UGT2A2: variants seen among roughly 807,000 people sequenced by gnomAD.
The protein encoded by UGT2A2 is UDP glucuronosyltransferase family 2 member A2.
Under a neutral mutation model 50.7 loss-of-function variants are expected in UGT2A2, and 60 were observed. The ratio of observed to expected loss-of-function variants is 1.18; its 90% CI spans 0.96 to 1.47. The LOEUF (loss-of-function observed/expected upper bound fraction) is 1.47. Ranked by LOEUF, UGT2A2 falls within the 40% of genes most tolerant of loss-of-function variation. UGT2A2 has a pLI of 0.00. For synonymous variants in UGT2A2, 242 were observed against 214.6 expected, an observed-to-expected ratio of 1.13 and a Z score of -1.11; for missense variants, 762 against 634.0, an observed-to-expected ratio of 1.20 and a Z score of -2.17.
At chr4:69,623,492 T>C (rs1407289873) in intron 1 of UGT2A2, among the ~76,000 whole-genome samples, 1 of 151,718 alleles carries the variant, frequency 6.6e-6, no homozygotes, top group Non-Finnish European at 1.5e-5. Context: ...TGTGCATACA[T>C]GTAAAAAAAT....
chr4:69,608,896 A>G (rs1270473416), intron 1 of UGT2A2, among the ~76,000 whole-genome samples: 2 of 152,138 alleles, frequency 1.3e-5, no homozygotes, highest in Non-Finnish European at 2.9e-5. Flanking sequence ...AAACAAATTT[A>G]TATGTTTAAA....
chr4:69,619,624 A>T (rs1483378530), intron 1 of UGT2A2, among the ~76,000 whole-genome samples: 1 of 151,946 alleles, frequency 6.6e-6, no homozygotes, highest in African/African-American at 2.4e-5. Flanking sequence ...ACTTAAACAC[A>T]TTCTAAAACC....
chr4:69,598,462 G>A lies in UGT2A2; in HGVS notation c.891+784C>T, dbSNP rs1466917332. On this transcript the variant is annotated intron_variant, in intron 2 of 5. Transcript: ENST00000604629. ...ATTTCTTTTCTGAAGACTTCATATT[G>A]TAGCATACAATTTCCTTCTCATGCC... is the stretch of plus-strand genomic sequence containing the variant. Among the ~76,000 whole-genome samples, 13 of 151,828 alleles carry A rather than the reference G, an allele frequency of 8.6e-5. No homozygotes were observed. In the East Asian group the frequency reaches 2.5e-3, roughly 29 times the overall value.
At position 69,628,369 on chromosome 4, in the gene UGT2A2, G is replaced by A. The variant is rs184154011; in HGVS notation, c.742+10530C>T. 2.0e-5 allele frequency among the ~76,000 whole-genome samples: 3 copies of A among 151,918 alleles called. No individual in the cohort carries two copies. The East Asian group carries it at 5.8e-4, about 29-fold the overall frequency. On this transcript the variant is annotated intron_variant, in intron 1 of 5. Transcript: ENST00000604629. Reference sequence around the variant, plus strand: ...CCCTAGTTTCAAAATACACTACAAAGTGACAAGAATCCAAACAGTATTAAA... The same window carrying A: ...CCCTAGTTTCAAAATACACTACAAAATGACAAGAATCCAAACAGTATTAAA...
At position 69,638,882 on chromosome 4, in the gene UGT2A2, G is replaced by C; in HGVS notation, c.742+17C>G. On this transcript the variant is annotated intron_variant, in intron 1 of 5. Transcript: ENST00000604629. ...AAGGGATGTGGAGTCATTAAAAAGA[G>C]AAAATTTTAGACTTACCTAAAATTT... 2 of 1,540,246 alleles carry C rather than the reference G, an allele frequency of 1.3e-6. No homozygotes were observed. The highest frequency in any genetic ancestry group is 1.7e-6 in the Non-Finnish European group (2 of 1,144,200).
At chr4:69,623,949 A>C (rs2109941368) in intron 1 of UGT2A2, among the ~76,000 whole-genome samples, 1 of 151,802 alleles carries the variant, frequency 6.6e-6, no homozygotes, top group African/African-American at 2.4e-5. Flanking sequence ...ACCTTAAAAA[A>C]GCATCTTATA....
chr4:69,594,408 TG>T, intron 5 of UGT2A2, 68 bp downstream of exon 5: 1 of 1,553,226 alleles, frequency 6.4e-7, no homozygotes, highest in Non-Finnish European at 8.7e-7. Context: ...TATAAAAGAA[TG>T]TACATTTTCT....
chr4:69,610,048 G>T (rs1719940141), intron 1 of UGT2A2, among the ~76,000 whole-genome samples: 1 of 152,158 alleles, frequency 6.6e-6, no homozygotes, highest in African/African-American at 2.4e-5. Context: ...GTTAAAACCA[G>T]TCAGGCTTCT....
intron 1 of UGT2A2, among the ~76,000 whole-genome samples, chr4:69,627,835 T>G (rs954941609): frequency 6.6e-6 from 1 of 151,712 alleles, no homozygotes; most frequent in Non-Finnish European, 1.5e-5. Context: ...AATAGAAAAT[T>G]TATAAATGTC....
intron 1 of UGT2A2, 57 bp from the exon 2 acceptor site, chr4:69,599,451 G>GAAA: frequency 6.4e-7 from 1 of 1,572,600 alleles, no homozygotes; most frequent in Admixed American, 2.1e-5. Context: ...TTGCTGAGGA[G>GAAA]AAAAAAAAGC....
At chr4:69,592,526 T>G (rs1231457634) in intron 5 of UGT2A2, among the ~76,000 whole-genome samples, 1 of 152,122 alleles carries the variant, frequency 6.6e-6, no homozygotes, top group Non-Finnish European at 1.5e-5. Context: ...GATAAGGAGA[T>G]AGGTGAGCTG....
At chr4:69,629,435 G>T in intron 1 of UGT2A2, among the ~76,000 whole-genome samples, 1 of 152,000 alleles carries the variant, frequency 6.6e-6, no homozygotes, top group East Asian at 1.9e-4. Context: ...GAGTGTTTTT[G>T]TATATCTGAG....
chr4:69,593,528 C>T (rs995902863), intron 5 of UGT2A2, among the ~76,000 whole-genome samples: 4 of 151,068 alleles, frequency 2.6e-5, no homozygotes, highest in African/African-American at 9.7e-5. Flanking sequence ...TATATATACA[C>T]ACACACTATC....
At chr4:69,612,308 G>A (rs1212919880) in intron 1 of UGT2A2, among the ~76,000 whole-genome samples, 5 of 152,044 alleles carry the variant, frequency 3.3e-5, no homozygotes, top group Admixed American at 1.3e-4. Flanking sequence ...AATCAGTATC[G>A]TTAAAATGGC....
chr4:69,630,448 T>C (rs115214101), intron 1 of UGT2A2, among the ~76,000 whole-genome samples: 1 of 152,246 alleles, frequency 6.6e-6, no homozygotes, highest in African/African-American at 2.4e-5. Context: ...CCATAGTTTT[T>C]ATCAACCATC....
chr4:69,589,448 A>T lies in UGT2A2; in HGVS notation c.1535T>A (p.Ile512Lys), dbSNP rs1372173430. The change falls in exon 6 of 6, where the codon ATA becomes AAA. Residue 512 changes from isoleucine to lysine, a missense_variant. Transcript: ENST00000604629. ...GFLLVCVTTA[I>K]FLVIQCCLFS... ...CAAACAACATTGTATGACCAAAAAT[A>T]TAGCCGTTGTCACACAGACCAGCAA... 6.2e-7 allele frequency: 1 copy of T among 1,614,178 alleles called. No individual in the cohort carries two copies. The highest frequency in any genetic ancestry group is 2.2e-5 in the East Asian group (1 of 44,884).
chr4:69,609,550 T>C (rs903061570), intron 1 of UGT2A2, among the ~76,000 whole-genome samples: 2 of 152,120 alleles, frequency 1.3e-5, no homozygotes, highest in East Asian at 1.9e-4. Flanking sequence ...CAACTGTTAA[T>C]AAAAGTCAGT....
intron 1 of UGT2A2, among the ~76,000 whole-genome samples, chr4:69,637,597 A>G (rs866258286): frequency 6.6e-6 from 1 of 152,034 alleles, no homozygotes; most frequent in African/African-American, 2.4e-5. Context: ...CTTTCATTTG[A>G]TACTTTCTCT....
At chr4:69,621,811 C>G (rs1720772896) in intron 1 of UGT2A2, among the ~76,000 whole-genome samples, 1 of 151,844 alleles carries the variant, frequency 6.6e-6, no homozygotes, top group Non-Finnish European at 1.5e-5. Flanking sequence ...TCATAGAAAA[C>G]TACACAGCCA....
Sources: allele counts gnomAD v4.1 joint callset (sites outside exome capture counted in the v4.1 genomes callset), GRCh38; gene constraint gnomAD v4.1.1; transcripts MANE v1.5; gene names NCBI Gene and HGNC (gene_info 2026-07-23, HGNC 2026-07-21).